The following CHORDC1 variants were observed in gnomAD, a reference collection of about 807,000 sequenced individuals.
The protein encoded by CHORDC1 is cysteine and histidine-rich domain-containing protein 1.
Under a neutral mutation model 48.3 loss-of-function variants are expected in CHORDC1, and 25 were observed. That is an observed-to-expected ratio of 0.52 (90% confidence interval 0.38 to 0.72). CHORDC1 has a LOEUF of 0.72. Ranked by LOEUF, CHORDC1 falls within the 30% of genes least tolerant of loss-of-function variation. The pLI, the probability that CHORDC1 is intolerant of heterozygous loss-of-function variation, is 0.00. For missense variants in CHORDC1, 317 were observed against 388.7 expected (o/e 0.82, Z 1.55); for synonymous variants, 128 against 126.4 (o/e 1.01, Z -0.09).
At chr11:90,207,304 C>T (rs1857724482) in intron 6 of CHORDC1, 1 of 154,292 alleles carries the variant, frequency 6.5e-6, no homozygotes, top group African/African-American at 2.4e-5. Flanking sequence ...ATTACTATCA[C>T]CCTTTTGTTT....
At chr11:90,206,684 A>C in intron 6 of CHORDC1, 1 of 732,494 alleles carries the variant, frequency 1.4e-6, no homozygotes. Flanking sequence ...CTAATAAGCA[A>C]TTCTGGAAGT....
intron 3 of CHORDC1, among the ~76,000 whole-genome samples, chr11:90,214,577 T>A (rs1026080485): frequency 6.6e-6 from 1 of 152,056 alleles, no homozygotes; most frequent in Admixed American, 6.5e-5. Context: ...ATAATCTTTT[T>A]AAACCTCCAT....
chr11:90,212,489 AC>A (rs1309531966), intron 4 of CHORDC1: 1 of 151,976 alleles, frequency 6.6e-6, no homozygotes, highest in Non-Finnish European at 1.5e-5. Flanking sequence ...AGTAGCATAC[AC>A]CTATAGTTCC....
At chr11:90,205,059 T>C (rs976573836) in intron 8 of CHORDC1, among the ~76,000 whole-genome samples, 2 of 151,954 alleles carry the variant, frequency 1.3e-5, no homozygotes, top group African/African-American at 2.4e-5. Context: ...TGTGCATCTG[T>C]AAATGATTGA....
chr11:90,201,344 C>T lies in CHORDC1; in HGVS notation c.*1061G>A, dbSNP rs371199562. On this transcript the variant is annotated 3_prime_UTR_variant, in exon 11 of 11. Transcript: ENST00000320585. Reference sequence around the variant, plus strand: ...TGCACTAACTCAAAACCTATCCAAACGATCTAATTCTGTATTACCTATATT... The same window carrying T: ...TGCACTAACTCAAAACCTATCCAAATGATCTAATTCTGTATTACCTATATT... 5.6e-4 allele frequency: 85 copies of T among 151,850 alleles called. No homozygotes were observed. The highest frequency in any genetic ancestry group is 1.8e-3 in the African/African-American group (73 of 41,484). 9.4% of individuals were successfully genotyped at this position (151,850 alleles called of 1,614,324 possible).
intron 1 of CHORDC1, 54 bp from the exon 2 acceptor site, chr11:90,218,238 T>C (rs1331823311): frequency 7.7e-7 from 1 of 1,301,868 alleles, no homozygotes; most frequent in African/African-American, 1.6e-5. Flanking sequence ...TGAAGAAAAA[T>C]ATATACATGA....
chr11:90,209,775 T>A (rs1200825074), intron 6 of CHORDC1, among the ~76,000 whole-genome samples: 1 of 152,170 alleles, frequency 6.6e-6, no homozygotes, highest in Admixed American at 6.5e-5. Context: ...TCTTCCACAA[T>A]AGCATCCTAG....
At chr11:90,207,012 C>A in intron 6 of CHORDC1, 1 of 328,620 alleles carries the variant, frequency 3.0e-6, no homozygotes, top group Non-Finnish European at 5.9e-6. Flanking sequence ...ATGTTAGCAT[C>A]TACTAAACTT....
At chr11:90,210,970 A>G (rs1209084181) in intron 5 of CHORDC1, 1 of 309,440 alleles carries the variant, frequency 3.2e-6, no homozygotes, top group Admixed American at 4.8e-5. Context: ...TCTTAAAAAA[A>G]TAATGAACCA....
Position 90,211,485 on chromosome 11 carries a change from T to C in CHORDC1, c.330-167A>G, listed in dbSNP as rs1857859027. ...TTATAAATAATTGTTACAATGTATC[T>C]ACATTCTGTCTTAACAGAAAAGCTC... is the stretch of plus-strand genomic sequence containing the variant. On this transcript the variant is annotated intron_variant, in intron 4 of 10. Coordinates refer to ENST00000320585, the MANE Select transcript of CHORDC1 (RefSeq NM_012124.3). The C allele has an allele frequency of 1.7e-5, 9 of 533,392 alleles. No individual in the cohort carries two copies. In the South Asian group the frequency reaches 1.7e-4, roughly 10 times the overall value. 33.0% of individuals were successfully genotyped at this position (533,392 alleles called of 1,614,324 possible). A position where few individuals can be genotyped will look rare whatever the true frequency, so the allele number is the denominator to read the frequency against.
intron 1 of CHORDC1, among the ~76,000 whole-genome samples, chr11:90,220,331 G>A (rs530219712): frequency 6.6e-6 from 1 of 152,152 alleles, no homozygotes; most frequent in African/African-American, 2.4e-5. Flanking sequence ...GTATCTTCCT[G>A]ATACAGTAAG....
At chr11:90,207,655 A>C (rs1222709068) in intron 6 of CHORDC1, 2 of 151,462 alleles carry the variant, frequency 1.3e-5, no homozygotes, top group Admixed American at 1.3e-4. Flanking sequence ...ACTTCACAAG[A>C]GGATATACAA....
intron 8 of CHORDC1, 136 bp from the exon 9 acceptor site, chr11:90,203,563 CTA>C: frequency 1.6e-6 from 1 of 622,226 alleles, no homozygotes. Context: ...CAAAAAACTT[CTA>C]TATTTCCCAA....
In CHORDC1 at chr11:90,203,496, T is replaced by G. The variant is rs1047274781; in HGVS notation, c.670-69A>C. On this transcript the variant is annotated intron_variant, in intron 8 of 10. Transcript: ENST00000320585. ...AATTAATTTCTTAAAAAGAGGAATT[T>G]GACCCATCTGAGAAAAAACTACCAT... 1.6e-5 allele frequency: 23 copies of G among 1,428,788 alleles called. No individual in the cohort carries two copies. The African/African-American group carries it at 3.1e-4, about 19-fold the overall frequency. The allele number at this position is 1,428,788 out of a possible 1,614,324, so 88.5% of individuals were successfully genotyped here.
chr11:90,217,203 C>CT (rs980555667), intron 2 of CHORDC1, among the ~76,000 whole-genome samples: 51 of 152,144 alleles, frequency 3.4e-4, no homozygotes, highest in African/African-American at 1.2e-3. Flanking sequence ...CCAAAACAGT[C>CT]TAACTACTCT....
At chr11:90,206,318 G>T in intron 6 of CHORDC1, 46 bp from the exon 7 acceptor site, 1 of 1,022,234 alleles carries the variant, frequency 9.8e-7, no homozygotes, top group Non-Finnish European at 1.5e-6. Context: ...GTATCTTACA[G>T]TTACATCTCA....
chr11:90,217,611 G>C (rs989619212), intron 2 of CHORDC1: 2 of 152,154 alleles, frequency 1.3e-5, no homozygotes, highest in African/African-American at 2.4e-5. Flanking sequence ...GAAGAAATGG[G>C]TGTAGAAAAT....
intron 1 of CHORDC1, among the ~76,000 whole-genome samples, chr11:90,222,323 C>A (rs981459169): frequency 6.6e-6 from 1 of 152,214 alleles, no homozygotes; most frequent in Non-Finnish European, 1.5e-5. Flanking sequence ...ATGAACCTAT[C>A]AAAACAGCGT....
At chr11:90,203,567 A>G (rs1344264906) in intron 8 of CHORDC1, 140 bp from the exon 9 acceptor site, 1 of 607,298 alleles carries the variant, frequency 1.6e-6, no homozygotes, top group Non-Finnish European at 2.7e-6. Flanking sequence ...AAACTTCTAT[A>G]TTTCCCAAGA....
Sources: allele counts gnomAD v4.1 joint callset (sites outside exome capture counted in the v4.1 genomes callset), GRCh38; gene constraint gnomAD v4.1.1; transcripts MANE v1.5; gene names NCBI Gene and HGNC (gene_info 2026-07-23, HGNC 2026-07-21).